Variants in BBS9 observed in about 807,000 individuals in gnomAD.
BBS9 encodes Bardet-Biedl syndrome 9.
In BBS9, 89 loss-of-function variants were observed where a neutral mutation model predicts 117.7. The observed-to-expected ratio is 0.76, with a 90% confidence interval of 0.64 to 0.90. The LOEUF (loss-of-function observed/expected upper bound fraction) is 0.90, where lower values mean the gene tolerates loss of function less well. Ranked by LOEUF, BBS9 falls within the 40% of genes least tolerant of loss-of-function variation. The pLI, the probability that BBS9 is intolerant of heterozygous loss-of-function variation, is 0.00. For synonymous variants in BBS9, 379 were observed against 370.9 expected (o/e 1.02, Z -0.25); for missense variants, 982 against 1,042.2 (o/e 0.94, Z 0.80).
chr7:33,248,083 A>G (rs1198355390), intron 5 of BBS9, among the ~76,000 whole-genome samples: 1 of 152,212 alleles, frequency 6.6e-6, no homozygotes, highest in East Asian at 1.9e-4. Flanking sequence ...AGACAAGTTC[A>G]TAGGAGAAGT....
intron 19 of BBS9, among the ~76,000 whole-genome samples, chr7:33,472,539 A>T (rs192306426): frequency 9.6e-4 from 146 of 152,302 alleles, no homozygotes; most frequent in African/African-American, 3.4e-3. Context: ...TGAGGGCATG[A>T]TGGTAGATAA....
At chr7:33,460,839 A>G (rs1422522236) in intron 19 of BBS9, among the ~76,000 whole-genome samples, 1 of 152,068 alleles carries the variant, frequency 6.6e-6, no homozygotes, top group Non-Finnish European at 1.5e-5. Flanking sequence ...GTTCTAAACC[A>G]TTTCCATCAC....
chr7:33,369,809 T>G (rs1188150805), intron 17 of BBS9, among the ~76,000 whole-genome samples: 6 of 152,198 alleles, frequency 3.9e-5, no homozygotes, highest in Non-Finnish European at 8.8e-5. Context: ...ACATTTTTCA[T>G]TTTTTGAAAG....
chr7:33,405,151 T>C (rs528146565), intron 19 of BBS9, among the ~76,000 whole-genome samples: 1 of 152,238 alleles, frequency 6.6e-6, no homozygotes, highest in Non-Finnish European at 1.5e-5. Context: ...CTACATTTAT[T>C]GATTTGCGTA....
At chr7:33,345,912 G>T (rs144112803) in intron 12 of BBS9, among the ~76,000 whole-genome samples, 289 of 152,228 alleles carry the variant, frequency 1.9e-3, no homozygotes, top group African/African-American at 6.6e-3. Flanking sequence ...CCAGGAATTA[G>T]CACCGTAAGT....
chr7:33,263,656 A>T (rs1798333712), intron 6 of BBS9, among the ~76,000 whole-genome samples: 1 of 152,098 alleles, frequency 6.6e-6, no homozygotes. Flanking sequence ...TATGTGATTG[A>T]TCTCTATCTC....
intron 5 of BBS9, among the ~76,000 whole-genome samples, chr7:33,254,310 G>A (rs1232969976): frequency 1.3e-5 from 2 of 152,050 alleles, no homozygotes; most frequent in African/African-American, 2.4e-5. Context: ...TCTTATGTGT[G>A]CTATACCATG....
At chr7:33,494,321 G>A (rs1409321546) in intron 19 of BBS9, among the ~76,000 whole-genome samples, 4 of 152,172 alleles carry the variant, frequency 2.6e-5, no homozygotes, top group Admixed American at 2.0e-4. Flanking sequence ...TAACGAGGAG[G>A]ATGAGAAACC....
At chr7:33,160,652 T>G (rs1435580690) in intron 4 of BBS9, among the ~76,000 whole-genome samples, 1 of 152,130 alleles carries the variant, frequency 6.6e-6, no homozygotes, top group Non-Finnish European at 1.5e-5. Flanking sequence ...TAGCTTTACT[T>G]TAAGGTTGCC....
intron 10 of BBS9, among the ~76,000 whole-genome samples, chr7:33,339,943 G>A (rs1816160053): frequency 6.6e-6 from 1 of 151,826 alleles, no homozygotes; most frequent in East Asian, 1.9e-4. Flanking sequence ...AAGAATGGAT[G>A]TTAAGTAGGT....
chr7:33,255,504 G>T (rs905791490), intron 5 of BBS9, among the ~76,000 whole-genome samples: 4 of 152,082 alleles, frequency 2.6e-5, no homozygotes, highest in African/African-American at 9.7e-5. Flanking sequence ...CAAATGAGAA[G>T]GCTGAAGCTA....
At chr7:33,500,131 T>TACCACACAACTTTGTGCAGA (rs1256138504) in intron 19 of BBS9, among the ~76,000 whole-genome samples, 4 of 152,252 alleles carry the variant, frequency 2.6e-5, no homozygotes, top group Non-Finnish European at 5.9e-5. Context: ...CTTTGGGCAG[T>TACCACACAACTTTGTGCAGA]ACCACACAAC....
At chr7:33,183,371 C>G (rs7793759) in intron 5 of BBS9, among the ~76,000 whole-genome samples, 80,413 of 151,626 alleles carry the variant, frequency 0.53, 21,531 homozygotes, top group East Asian at 0.67. Flanking sequence ...ACACAATCCA[C>G]GAAGAGGAAA....
intron 1 of BBS9, among the ~76,000 whole-genome samples, chr7:33,132,916 C>A (rs577989140): frequency 1.3e-5 from 2 of 151,998 alleles, no homozygotes; most frequent in Non-Finnish European, 2.9e-5. Flanking sequence ...TGCTATTGTT[C>A]TTTTTTTAAT....
At chr7:33,406,623 A>C (rs1189601759) in intron 19 of BBS9, among the ~76,000 whole-genome samples, 1 of 152,008 alleles carries the variant, frequency 6.6e-6, no homozygotes, top group African/African-American at 2.4e-5. Flanking sequence ...CTTTTAGGGC[A>C]GGCCTGGTGG....
rs375694520 is a variant in BBS9 at position 33,177,620 on chromosome 7, A to G, written c.442+29A>G. The stretch of plus-strand genomic sequence containing the variant: ...ATTTGCTTTTAATCATGAGTATGCT[A>G]TTTCAAGTGACAGATTTAGAATATT... On this transcript the variant is annotated intron_variant, in intron 5 of 22. Coordinates refer to ENST00000242067, the MANE Select transcript of BBS9 (RefSeq NM_198428.3). The G allele has an allele frequency of 7.4e-5, 103 of 1,393,534 alleles. 1 individual carries two copies. The highest frequency in any genetic ancestry group is 1.7e-4 in the Admixed American group (10 of 59,742). The allele number at this position is 1,393,534 out of a possible 1,614,324, so 86.3% of individuals were successfully genotyped here. A position where few individuals can be genotyped will look rare whatever the true frequency, so the allele number is the denominator to read the frequency against.
At chr7:33,155,194 G>A (rs999716138) in intron 3 of BBS9, among the ~76,000 whole-genome samples, 2 of 152,226 alleles carry the variant, frequency 1.3e-5, no homozygotes, top group Non-Finnish European at 2.9e-5. Flanking sequence ...GTTTTGTGAT[G>A]TTTTAACCTT....
intron 15 of BBS9, among the ~76,000 whole-genome samples, chr7:33,354,019 T>TA (rs1315603337): frequency 6.6e-6 from 1 of 152,076 alleles, no homozygotes; most frequent in African/African-American, 2.4e-5. Flanking sequence ...GTTTTAAGTT[T>TA]AAAAAAATCA....
At chr7:33,579,594 A>T (rs1285405042) in intron 21 of BBS9, among the ~76,000 whole-genome samples, 1 of 152,162 alleles carries the variant, frequency 6.6e-6, no homozygotes, top group African/African-American at 2.4e-5. Context: ...CATTTTAATG[A>T]TCAGATGAAG....
Sources: gnomAD v4.1 joint callset for allele counts (sites outside exome capture counted in the v4.1 genomes callset) on GRCh38, gnomAD v4.1.1 for gene constraint, MANE v1.5 for transcripts, NCBI Gene and HGNC (gene_info 2026-07-23, HGNC 2026-07-21) for gene names.